The following VPS13B variants were observed in gnomAD, a reference collection of about 807,000 sequenced individuals.
VPS13B encodes the protein intermembrane lipid transfer protein VPS13B.
Under a neutral mutation model 426.4 loss-of-function variants are expected in VPS13B, and 285 were observed. The observed-to-expected ratio is 0.67, with a 90% CI of 0.61 to 0.74. VPS13B has a LOEUF of 0.74. VPS13B is among the 30% of genes least tolerant of loss of function. VPS13B has a pLI of 0.00. For synonymous variants in VPS13B, 1,676 were observed against 1,676.4 expected (o/e 1.00, Z 0.01); for missense variants, 4,537 against 4,782.6 (o/e 0.95, Z 1.51).
chr8:99,516,284 A>G (rs996643233), intron 29 of VPS13B, among the ~76,000 whole-genome samples: 2 of 152,196 alleles, frequency 1.3e-5, no homozygotes, highest in Non-Finnish European at 1.5e-5. Flanking sequence ...TAATTCTTAC[A>G]TTATATTTTA....
chr8:99,472,043 C>T, intron 24 of VPS13B, among the ~76,000 whole-genome samples: 1 of 152,064 alleles, frequency 6.6e-6, no homozygotes, highest in East Asian at 1.9e-4. Flanking sequence ...GCTGGACTTA[C>T]TTATTTTAAT....
At position 99,868,398 on chromosome 8, in the gene VPS13B, A is replaced by G. The variant is rs1817211481; in HGVS notation, c.11325A>G (p.Lys3775=). 20 of 1,614,160 alleles carry G rather than the reference A, an allele frequency of 1.2e-5. No individual in the cohort carries two copies. Among genetic ancestry groups the G allele is most frequent in the Non-Finnish European group, 1.7e-5 (20 of 1,180,038 alleles). Residue 3775 remains lysine, a synonymous_variant, in exon 59 of 62, where the codon AAA becomes AAG. Transcript: ENST00000357162. The stretch of plus-strand genomic sequence containing the variant: ...AGGGTGTCATCTCGGGTGTGGGGAA[A>G]GGAATCATGGGGGTGTTCACAAAGC... ...KAKGVISGVG[K]GIMGVFTKPI...
rs546514371 is a variant in VPS13B at position 99,135,784 on chromosome 8, CATT to C, written c.1563+52_1563+54del. ...ATTCTAGGCTGTGTTTGGGTGGACA[CATT>C]GTATGAATACTTGTGATTTCTAGCT... On this transcript the variant is annotated intron_variant, in intron 11 of 61. Coordinates refer to ENST00000357162, the MANE Select transcript of VPS13B (RefSeq NM_152564.5). 1.1e-3 allele frequency: 1,846 copies of C among 1,608,434 alleles called. 1 individual carries two copies. The highest frequency in any genetic ancestry group is 3.1e-3 in the Admixed American group (188 of 59,908).
chr8:99,579,646 C>T (rs1180207096), intron 33 of VPS13B, among the ~76,000 whole-genome samples: 1 of 152,030 alleles, frequency 6.6e-6, no homozygotes, highest in Non-Finnish European at 1.5e-5. Flanking sequence ...GATCTGCCCT[C>T]CTTGGCCTCC....
chr8:99,143,277 G>C, intron 13 of VPS13B, 112 bp downstream of exon 13: 1 of 1,365,284 alleles, frequency 7.3e-7, no homozygotes, highest in Non-Finnish European at 1.0e-6. Flanking sequence ...TTGCCTGTTT[G>C]CAAGGACTTT....
chr8:99,307,322 C>G (rs979171687), intron 19 of VPS13B, among the ~76,000 whole-genome samples: 1 of 151,974 alleles, frequency 6.6e-6, no homozygotes, highest in African/African-American at 2.4e-5. Context: ...TAGCTTGACC[C>G]TTTGAAAAAT....
In VPS13B at chr8:99,192,902, C is replaced by A; in HGVS notation, c.2360C>A (p.Thr787Asn). 6.2e-7 allele frequency: 1 copy of A among 1,613,366 alleles called. No individual in the cohort carries two copies. Among genetic ancestry groups the A allele is most frequent in the Non-Finnish European group, 8.5e-7 (1 of 1,179,776 alleles). Reference protein sequence around the residue: ...CWTKRSQIAITEGIFELPNLT... With the variant: ...CWTKRSQIAINEGIFELPNLT... ...ACCAAAAGATCTCAGATTGCTATAA[C>A]TGAAGGTATATTTGAACTTCCAAAT... Residue 787 changes from threonine to asparagine, a missense_variant, in exon 17 of 62, where the codon ACT becomes AAT. By Grantham distance (65) the Thr-to-Asn change is moderately conservative (BLOSUM62 0). Coordinates refer to ENST00000357162, the MANE Select transcript of VPS13B (RefSeq NM_152564.5).
intron 47 of VPS13B, 81 bp downstream of exon 47, chr8:99,818,969 C>CGGGGGGGGGGG (rs2130814486): frequency 1.3e-5 from 1 of 78,644 alleles, no homozygotes; most frequent in Admixed American, 1.9e-4. Context: ...TGGGGGGCGG[C>CGGGGGGGGGGG]GGGGGAGGGG....
chr8:99,588,705 G>A (rs949959400), intron 33 of VPS13B, among the ~76,000 whole-genome samples: 6 of 151,720 alleles, frequency 4.0e-5, no homozygotes, highest in Non-Finnish European at 8.8e-5. Context: ...AGCTTAAGGA[G>A]ATTTTGGGCT....
chr8:99,111,593 G>A (rs1847371896), intron 6 of VPS13B, among the ~76,000 whole-genome samples: 1 of 151,862 alleles, frequency 6.6e-6, no homozygotes, highest in African/African-American at 2.4e-5. Flanking sequence ...TATACCCACA[G>A]TGGACTGCAT....
chr8:99,552,768 G>A (rs1824350392), intron 30 of VPS13B, among the ~76,000 whole-genome samples: 1 of 151,998 alleles, frequency 6.6e-6, no homozygotes, highest in Non-Finnish European at 1.5e-5. Context: ...TTCCCTCAAT[G>A]GAAACGTCTT....
At chr8:99,481,200 T>G (rs890801210) in intron 24 of VPS13B, among the ~76,000 whole-genome samples, 2 of 152,162 alleles carry the variant, frequency 1.3e-5, no homozygotes, top group Non-Finnish European at 2.9e-5. Flanking sequence ...ACAGAGAAAA[T>G]TAGATGTGGA....
At chr8:99,431,452 G>T in intron 21 of VPS13B, 85 bp from the exon 22 acceptor site, 1 of 1,513,236 alleles carries the variant, frequency 6.6e-7, no homozygotes, top group South Asian at 1.2e-5. Flanking sequence ...AGCAAGGAAA[G>T]AAACAATCTT....
chr8:99,730,671 G>C (rs1428416585), intron 39 of VPS13B, among the ~76,000 whole-genome samples: 1 of 151,432 alleles, frequency 6.6e-6, no homozygotes, highest in Non-Finnish European at 1.5e-5. Flanking sequence ...CTCCTGAAAG[G>C]TACCTGTAGG....
At chr8:99,215,265 G>A (rs903775543) in intron 17 of VPS13B, among the ~76,000 whole-genome samples, 1 of 152,162 alleles carries the variant, frequency 6.6e-6, no homozygotes, top group African/African-American at 2.4e-5. Flanking sequence ...TGTATAGGGT[G>A]TACAAACTAG....
chr8:99,327,310 G>T (rs917090966), intron 19 of VPS13B, among the ~76,000 whole-genome samples: 2 of 152,030 alleles, frequency 1.3e-5, no homozygotes, highest in Non-Finnish European at 2.9e-5. Context: ...AAAGAACAGT[G>T]ATTTTATTTG....
chr8:99,641,382 T>C (rs1180870264), intron 33 of VPS13B, among the ~76,000 whole-genome samples: 1 of 152,204 alleles, frequency 6.6e-6, no homozygotes, highest in Non-Finnish European at 1.5e-5. Context: ...GTAAGGAGTA[T>C]AGCATAAACT....
At position 99,501,865 on chromosome 8, in the gene VPS13B, G is replaced by C. The variant is rs772651692; in HGVS notation, c.4042+7G>C. 2 of 1,612,060 alleles carry C rather than the reference G, an allele frequency of 1.2e-6. No homozygotes were observed. Among genetic ancestry groups the C allele is most frequent in the African/African-American group, 1.4e-5 (1 of 74,010 alleles). ...CCTGAAAATAAAGGCACAGGTACAG[G>C]ATTCCTTTTCTTTCTTCCCTCCCTC... On this transcript the variant is annotated splice_region_variant and intron_variant, in intron 26 of 61. Transcript: ENST00000357162.
chr8:99,052,778 G>T (rs954655766), intron 3 of VPS13B, among the ~76,000 whole-genome samples: 9 of 152,152 alleles, frequency 5.9e-5, no homozygotes, highest in African/African-American at 2.2e-4. Flanking sequence ...ATGTGTCGAA[G>T]AATTTATCCA....
Sources: gnomAD v4.1 joint callset for allele counts (sites outside exome capture counted in the v4.1 genomes callset) on GRCh38, gnomAD v4.1.1 for gene constraint, MANE v1.5 for transcripts, NCBI Gene and HGNC (gene_info 2026-07-23, HGNC 2026-07-21) for gene names.